Variants in TBC1D5 observed in about 807,000 individuals in gnomAD.
The protein encoded by TBC1D5 is TBC1 domain family member 5.
In TBC1D5, 75 loss-of-function variants were observed where a neutral mutation model predicts 100.3. The ratio of observed to expected loss-of-function variants is 0.75; its 90% CI spans 0.62 to 0.91. The LOEUF is 0.91. TBC1D5 is among the 40% of genes least tolerant of loss of function. The pLI is 0.00. For synonymous variants in TBC1D5, 323 were observed against 325.6 expected (o/e 0.99, Z 0.09); for missense variants, 910 against 942.4 (o/e 0.97, Z 0.45).
At chr3:17,567,358 A>T (rs2096599941) in intron 2 of TBC1D5, among the ~76,000 whole-genome samples, 1 of 151,750 alleles carries the variant, frequency 6.6e-6, no homozygotes, top group Admixed American at 6.6e-5. Flanking sequence ...TATTTTGTTC[A>T]AACCCTTACT....
At chr3:17,272,642 T>C (rs2149710265) in intron 15 of TBC1D5, among the ~76,000 whole-genome samples, 2 of 152,320 alleles carry the variant, frequency 1.3e-5, no homozygotes, top group South Asian at 4.1e-4. Context: ...CAAAGTTATA[T>C]GAGATGGTAA....
intron 2 of TBC1D5, among the ~76,000 whole-genome samples, chr3:17,577,766 A>G (rs1323748931): frequency 6.6e-6 from 1 of 152,046 alleles, no homozygotes; most frequent in Admixed American, 6.6e-5. Flanking sequence ...TACTCTGACC[A>G]TAAACCCTGA....
chr3:17,258,472 G>A (rs1160248163), intron 16 of TBC1D5, 34 bp downstream of exon 16: 2 of 1,584,444 alleles, frequency 1.3e-6, no homozygotes, highest in Admixed American at 3.5e-5. Context: ...CTACCTTTGT[G>A]ATTTATAACT....
intron 13 of TBC1D5, among the ~76,000 whole-genome samples, chr3:17,309,768 C>G (rs1182084769): frequency 6.6e-6 from 1 of 152,046 alleles, no homozygotes; most frequent in Non-Finnish European, 1.5e-5. Flanking sequence ...ATTAACTGAT[C>G]TTGCAAAGAG....
chr3:17,418,409 A>T (rs1342634640), intron 4 of TBC1D5, among the ~76,000 whole-genome samples: 4 of 152,068 alleles, frequency 2.6e-5, no homozygotes, highest in Non-Finnish European at 5.9e-5. Context: ...GGAGTTCAAG[A>T]CCAGCCTGGC....
chr3:17,297,985 G>C (rs180837228), intron 14 of TBC1D5, among the ~76,000 whole-genome samples: 1 of 152,294 alleles, frequency 6.6e-6, no homozygotes, highest in East Asian at 1.9e-4. Flanking sequence ...CTCCGCATCT[G>C]TAAAATGTCA....
intron 13 of TBC1D5, among the ~76,000 whole-genome samples, chr3:17,318,136 C>A (rs2084927136): frequency 6.7e-6 from 1 of 148,514 alleles, no homozygotes; most frequent in African/African-American, 2.5e-5. Context: ...GACAAAAAAC[C>A]AAACACCCCA....
Position 17,613,557 on chromosome 3 carries a change from G to T in TBC1D5, c.-36+10292C>A, listed in dbSNP as rs144454626. On this transcript the variant is annotated intron_variant, in intron 2 of 21. Transcript: ENST00000253692. ...TCCTCTCCAGCATCTGTTGTTTCCTGACTTTTTAATGATCGCCATTCTAAC... is the reference window on the plus strand; with the variant it reads ...TCCTCTCCAGCATCTGTTGTTTCCTTACTTTTTAATGATCGCCATTCTAAC... Among the ~76,000 whole-genome samples, 1,398 of 152,262 alleles carry T rather than the reference G, an allele frequency of 9.2e-3. 53 individuals are homozygous for T. The highest frequency in any genetic ancestry group is 0.071 in the Admixed American group (1,084 of 15,282).
intron 13 of TBC1D5, among the ~76,000 whole-genome samples, chr3:17,370,244 T>C (rs1444222898): frequency 6.6e-6 from 1 of 152,178 alleles, no homozygotes; most frequent in African/African-American, 2.4e-5. Flanking sequence ...CAAAAAATTA[T>C]AAAGCATTTC....
chr3:17,426,189 A>T (rs886553835), intron 4 of TBC1D5, among the ~76,000 whole-genome samples: 4 of 152,222 alleles, frequency 2.6e-5, no homozygotes, highest in Non-Finnish European at 4.4e-5. Context: ...TTAAAGAGAT[A>T]TAATGGCAAC....
At chr3:17,475,675 GT>G (rs1443845882) in intron 3 of TBC1D5, among the ~76,000 whole-genome samples, 3 of 152,104 alleles carry the variant, frequency 2.0e-5, no homozygotes, top group African/African-American at 7.2e-5. Context: ...GGCATTCCCA[GT>G]CAGAAGCTGA....
chr3:17,366,424 A>T (rs1312745825), intron 13 of TBC1D5, among the ~76,000 whole-genome samples: 1 of 152,220 alleles, frequency 6.6e-6, no homozygotes, highest in African/African-American at 2.4e-5. Flanking sequence ...ATATTTAATT[A>T]TTCTTCCCCA....
chr3:17,741,947 T>C (rs2077485380), upstream of TBC1D5, among the ~76,000 whole-genome samples: 1 of 151,478 alleles, frequency 6.6e-6, no homozygotes, highest in Non-Finnish European at 1.5e-5. Flanking sequence ...TTCTAAAGAC[T>C]ATTAAGGTTT....
At chr3:17,493,224 T>C (rs2095661180) in intron 3 of TBC1D5, among the ~76,000 whole-genome samples, 1 of 152,126 alleles carries the variant, frequency 6.6e-6, no homozygotes, top group African/African-American at 2.4e-5. Flanking sequence ...AATTGTGGGT[T>C]GGAAATTATT....
chr3:17,348,624 T>C (rs1472408022), intron 13 of TBC1D5, among the ~76,000 whole-genome samples: 2 of 152,140 alleles, frequency 1.3e-5, no homozygotes, highest in Non-Finnish European at 2.9e-5. Flanking sequence ...CTCAATTTCA[T>C]TCATGGGGTC....
intron 2 of TBC1D5, among the ~76,000 whole-genome samples, chr3:17,510,029 G>A (rs1198209203): frequency 6.6e-6 from 1 of 151,876 alleles, no homozygotes; most frequent in Non-Finnish European, 1.5e-5. Context: ...TTCACCAATT[G>A]TCATGCAAAA....
At chr3:17,504,878 CTTA>C (rs1560039982) in intron 3 of TBC1D5, among the ~76,000 whole-genome samples, 1 of 152,304 alleles carries the variant, frequency 6.6e-6, no homozygotes, top group East Asian at 1.9e-4. Flanking sequence ...ACAGCATCAT[CTTA>C]TTATATCGAC....
chr3:17,359,558 T>G (rs1213206337), intron 13 of TBC1D5, among the ~76,000 whole-genome samples: 1 of 152,060 alleles, frequency 6.6e-6, no homozygotes, highest in East Asian at 1.9e-4. Context: ...CTAGAAAACT[T>G]GCTTTTACAG....
At chr3:17,445,178 TTC>T (rs1444564819) in intron 3 of TBC1D5, among the ~76,000 whole-genome samples, 1 of 152,186 alleles carries the variant, frequency 6.6e-6, no homozygotes, top group Non-Finnish European at 1.5e-5. Context: ...TAAGGGCATA[TTC>T]TGTTTTAATG....
Sources: allele counts gnomAD v4.1 joint callset (sites outside exome capture counted in the v4.1 genomes callset), GRCh38; gene constraint gnomAD v4.1.1; transcripts MANE v1.5; gene names NCBI Gene and HGNC (gene_info 2026-07-23, HGNC 2026-07-21).